SPTBN1: variants seen among roughly 807,000 people sequenced by gnomAD.
SPTBN1 encodes spectrin beta chain, non-erythrocytic 1.
In SPTBN1, 32 loss-of-function variants were observed where a neutral mutation model predicts 266.4. The observed-to-expected ratio is 0.12, with a 90% CI of 0.09 to 0.16. The LOEUF is 0.16. Ranked by LOEUF, SPTBN1 falls within the 10% of genes least tolerant of loss-of-function variation. SPTBN1 has a pLI of 1.00. For missense variants in SPTBN1, 2,296 were observed against 3,067.1 expected (o/e 0.75, Z 5.94); for synonymous variants, 1,336 against 1,162.2 (o/e 1.15, Z -3.04).
chr2:54,534,023 C>T (rs540141837), intron 2 of SPTBN1, among the ~76,000 whole-genome samples: 1 of 152,262 alleles, frequency 6.6e-6, no homozygotes, highest in East Asian at 1.9e-4. Flanking sequence ...GAATCTGGGA[C>T]CTGAGTCTCG....
In SPTBN1 at chr2:54,657,913, A is replaced by T. The variant is rs1319106079; in HGVS notation, c.6110A>T (p.Glu2037Val). ...SVAEAWLLGQ[E>V]PYLSSREIGQ... is the part of the protein sequence containing the mutation. ...GCCGAGGCCTGGCTGCTTGGACAGG[A>T]GCCGTACCTATCCAGCCGAGAGATA... Residue 2037 changes from glutamate (E) to valine (V), a missense_variant, in exon 30 of 36, where the codon GAG becomes GTG. Coordinates refer to ENST00000356805, the MANE Select transcript of SPTBN1 (RefSeq NM_003128.3). 1.2e-6 allele frequency: 2 copies of T among 1,614,240 alleles called. No homozygotes were observed. Among genetic ancestry groups the T allele is most frequent in the South Asian group, 1.1e-5 (1 of 91,084 alleles).
chr2:54,499,348 C>A lies in SPTBN1; in HGVS notation c.-47-27024C>A, dbSNP rs1573280597. On this transcript the variant is annotated intron_variant, in intron 1 of 35. Coordinates refer to ENST00000356805, the MANE Select transcript of SPTBN1 (RefSeq NM_003128.3). ...AAAAGTCTGTGCTTAGACCATACCA[C>A]CCGATGCAGTTTGTGTAAGCCTTAA... 1.3e-5 allele frequency among the ~76,000 whole-genome samples: 2 copies of A among 152,240 alleles called. 1 individual carries two copies. The highest frequency in any genetic ancestry group is 6.8e-3 in the Middle Eastern group (2 of 294).
intron 2 of SPTBN1, among the ~76,000 whole-genome samples, chr2:54,582,701 A>G (rs1210772821): frequency 6.6e-6 from 1 of 152,158 alleles, no homozygotes; most frequent in Non-Finnish European, 1.5e-5. Context: ...AGTGTGGTCC[A>G]TTTAGGTTGG....
chr2:54,640,820 G>C (rs986209316), intron 18 of SPTBN1, among the ~76,000 whole-genome samples: 1 of 152,224 alleles, frequency 6.6e-6, no homozygotes, highest in African/African-American at 2.4e-5. Context: ...CCAAAGTGCT[G>C]GGATTACAGG....
intron 1 of SPTBN1, among the ~76,000 whole-genome samples, chr2:54,492,130 G>A (rs1003708469): frequency 2.0e-5 from 3 of 152,098 alleles, no homozygotes; most frequent in Non-Finnish European, 2.9e-5. Context: ...GAATATTCCT[G>A]TAATCCTAGA....
At chr2:54,632,863 A>G (rs906180277) in intron 17 of SPTBN1, 95 bp downstream of exon 17, 1 of 1,382,410 alleles carries the variant, frequency 7.2e-7, no homozygotes, top group Admixed American at 2.3e-5. Context: ...TTAGGTATAA[A>G]TTTCCCAGTG....
At chr2:54,660,750 G>C in intron 32 of SPTBN1, 1 of 985,346 alleles carries the variant, frequency 1.0e-6, no homozygotes, top group Non-Finnish European at 1.2e-6. Flanking sequence ...GAAAACTGTA[G>C]GCTTCCTTGC....
At chr2:54,509,952 CTTTCTT>C (rs1558791196) in intron 1 of SPTBN1, among the ~76,000 whole-genome samples, 1 of 89,290 alleles carries the variant, frequency 1.1e-5, no homozygotes, top group Non-Finnish European at 2.1e-5. Context: ...TCCTTGCTTT[CTTTCTT>C]TTTTTTTTTT....
intron 18 of SPTBN1, among the ~76,000 whole-genome samples, chr2:54,638,973 C>T (rs1281506991): frequency 6.6e-6 from 1 of 152,220 alleles, no homozygotes; most frequent in Admixed American, 6.5e-5. Context: ...TTGTAATATG[C>T]TCTTGCAGCA....
intron 20 of SPTBN1, 61 bp downstream of exon 20, chr2:54,644,647 A>G: frequency 1.0e-5 from 16 of 1,532,178 alleles, no homozygotes; most frequent in Non-Finnish European, 1.4e-5. Context: ...TAGTCCTTAG[A>G]GTCTTTTCTC....
At chr2:54,587,313 A>G (rs1409216172) in intron 2 of SPTBN1, among the ~76,000 whole-genome samples, 1 of 152,190 alleles carries the variant, frequency 6.6e-6, no homozygotes, top group Non-Finnish European at 1.5e-5. Flanking sequence ...CTTAGGAAGA[A>G]TATCACACAG....
chr2:54,659,603 C>T (rs1032772526), intron 31 of SPTBN1, among the ~76,000 whole-genome samples: 25 of 129,572 alleles, frequency 1.9e-4, no homozygotes, highest in African/African-American at 6.0e-4. Flanking sequence ...TGTGGTGATG[C>T]GTTTTTTGAG....
chr2:54,570,169 A>G (rs963533132), intron 2 of SPTBN1, among the ~76,000 whole-genome samples: 6 of 152,160 alleles, frequency 3.9e-5, no homozygotes, highest in Non-Finnish European at 5.9e-5. Context: ...CCAGACTCAT[A>G]TTAACTGCCC....
At chr2:54,633,176 G>A (rs754036501) in intron 17 of SPTBN1, among the ~76,000 whole-genome samples, 17 of 152,166 alleles carry the variant, frequency 1.1e-4, no homozygotes, top group Non-Finnish European at 1.9e-4. Flanking sequence ...AAAGAAGCCT[G>A]TCAGGAGAGT....
At position 54,668,974 on chromosome 2, in the gene SPTBN1, A is replaced by G. The variant is rs1681566404; in HGVS notation, c.*405A>G. On this transcript the variant is annotated 3_prime_UTR_variant, in exon 36 of 36. Transcript: ENST00000356805. ...AATATCCTGACACCATTCTCTCTCC[A>G]TTTACTTCTGGTGGTTACCCTGACT... 4.6e-6 allele frequency: 1 copy of G among 217,142 alleles called. No homozygotes were observed. Among genetic ancestry groups the G allele is most frequent in the Admixed American group, 5.3e-5 (1 of 18,908 alleles). 13.5% of individuals were successfully genotyped at this position (217,142 alleles called of 1,614,324 possible).
Position 54,631,422 on chromosome 2 carries a change from C to T in SPTBN1, c.3375C>T (p.Gly1125=), listed in dbSNP as rs112371005. ...ACTACCAGAAGATGAGGGACATGGG[C>T]GAGATGGTCACCCAGGGGCAGACCG... ...EEDYQKMRDM[G]EMVTQGQTDA... The change falls in exon 16 of 36, where the codon GGC becomes GGT. Residue 1125 remains glycine (G), a synonymous_variant. Coordinates refer to ENST00000356805, the MANE Select transcript of SPTBN1 (RefSeq NM_003128.3). The T allele has an allele frequency of 1.9e-6, 3 of 1,614,234 alleles. No individual in the cohort carries two copies. In the South Asian group the frequency reaches 3.3e-5, roughly 18 times the overall value.
intron 16 of SPTBN1, among the ~76,000 whole-genome samples, chr2:54,632,234 G>A (rs918419406): frequency 2.0e-5 from 3 of 152,080 alleles, no homozygotes; most frequent in Non-Finnish European, 4.4e-5. Context: ...CTTCAGGGCT[G>A]TTACTGTCTC....
rs6723453 is a variant in SPTBN1, at chr2:54,592,542, G to A, written c.149-6550G>A. ...TGGGATTACAGACATGCGCCACCAC[G>A]CCTGGCTAATTTTGTGTTTTTAGTA... is the stretch of plus-strand genomic sequence containing the variant. On this transcript the variant is annotated intron_variant, in intron 2 of 35. Transcript: ENST00000356805. Among the ~76,000 whole-genome samples, 858 of 152,090 alleles carry A rather than the reference G, an allele frequency of 5.6e-3. 10 individuals carry two copies. Among genetic ancestry groups the A allele is most frequent in the African/African-American group, 0.02 (823 of 41,482 alleles).
At chr2:54,474,870 T>A (rs1020949148) in intron 1 of SPTBN1, among the ~76,000 whole-genome samples, 1 of 152,152 alleles carries the variant, frequency 6.6e-6, no homozygotes, top group Non-Finnish European at 1.5e-5. Context: ...AAAGTAAACT[T>A]TGTTTTCAAA....
Sources: allele counts gnomAD v4.1 joint callset (sites outside exome capture counted in the v4.1 genomes callset), GRCh38; gene constraint gnomAD v4.1.1; transcripts MANE v1.5; gene names NCBI Gene and HGNC (gene_info 2026-07-23, HGNC 2026-07-21).